Variants in DGLUCY observed in about 807,000 individuals in gnomAD.
DGLUCY encodes the protein D-glutamate cyclase, mitochondrial.
In DGLUCY, 58 loss-of-function variants were observed where a neutral mutation model predicts 58.5. The observed-to-expected ratio is 0.99, with a 90% CI of 0.80 to 1.23. The LOEUF is 1.23. DGLUCY is among the 50% of genes most tolerant of loss of function. DGLUCY has a pLI of 0.00. For synonymous variants in DGLUCY, 325 were observed against 314.1 expected, an observed-to-expected ratio of 1.03 and a Z score of -0.37; for missense variants, 779 against 784.7, an observed-to-expected ratio of 0.99 and a Z score of 0.09.
chr14:91,173,575 C>T (rs1210485352), intron 6 of DGLUCY, 136 bp downstream of exon 6: 1 of 1,222,144 alleles, frequency 8.2e-7, no homozygotes, highest in East Asian at 2.7e-5. Flanking sequence ...GCCCATGATC[C>T]TGACAGCCTC....
intron 11 of DGLUCY, among the ~76,000 whole-genome samples, chr14:91,201,190 C>T (rs2050531460): frequency 6.6e-6 from 1 of 152,140 alleles, no homozygotes; most frequent in East Asian, 1.9e-4. Context: ...AAGGCAGGAA[C>T]TGGCATTTTC....
intron 3 of DGLUCY, among the ~76,000 whole-genome samples, chr14:91,161,268 C>T (rs1337014644): frequency 6.6e-6 from 1 of 152,212 alleles, no homozygotes; most frequent in Admixed American, 6.5e-5. Context: ...GACGGGGTTT[C>T]ACCGTGTTAG....
intron 1 of DGLUCY, among the ~76,000 whole-genome samples, chr14:91,099,118 G>A (rs1034332017): frequency 6.6e-6 from 1 of 152,212 alleles, no homozygotes; most frequent in Non-Finnish European, 1.5e-5. Flanking sequence ...GATGCAGGAG[G>A]TAGCTTTAGA....
chr14:91,144,794 G>A (rs975431278), intron 1 of DGLUCY, among the ~76,000 whole-genome samples: 1 of 152,126 alleles, frequency 6.6e-6, no homozygotes, highest in Non-Finnish European at 1.5e-5. Context: ...GAAATAAAAA[G>A]GCAGGAAGGC....
At chr14:91,068,110 CACACA>C (rs1566928278) in intron 1 of DGLUCY, among the ~76,000 whole-genome samples, 15 of 146,124 alleles carry the variant, frequency 1.0e-4, no homozygotes, top group African/African-American at 4.2e-4. Context: ...CACACACACA[CACACA>C]CCCCTTGCAT....
At chr14:91,081,233 AAG>A (rs2044122354) in intron 1 of DGLUCY, among the ~76,000 whole-genome samples, 2 of 152,070 alleles carry the variant, frequency 1.3e-5, no homozygotes, top group African/African-American at 4.8e-5. Flanking sequence ...AGCATGTATT[AAG>A]AGAATAATAA....
chr14:91,127,495 C>A (rs1849614482), intron 1 of DGLUCY, among the ~76,000 whole-genome samples: 1 of 152,274 alleles, frequency 6.6e-6, no homozygotes, highest in African/African-American at 2.4e-5. Flanking sequence ...CTTCAGACTG[C>A]AGCCTTCTGG....
At chr14:91,113,094 G>A (rs904226491), upstream of DGLUCY, among the ~76,000 whole-genome samples, 11 of 151,362 alleles carry the variant, frequency 7.3e-5, no homozygotes, top group South Asian at 1.9e-3. Context: ...AAGGGCAGGC[G>A]CTCGAGACCA....
At chr14:91,137,136 T>C (rs1287475533) in intron 1 of DGLUCY, among the ~76,000 whole-genome samples, 1 of 131,310 alleles carries the variant, frequency 7.6e-6, no homozygotes, top group Non-Finnish European at 1.6e-5. Flanking sequence ...TCTGTTCAGG[T>C]TTTTTTTTTT....
At chr14:91,126,200 C>T (rs534936447) in intron 1 of DGLUCY, among the ~76,000 whole-genome samples, 1 of 152,266 alleles carries the variant, frequency 6.6e-6, no homozygotes, top group Admixed American at 6.5e-5. Flanking sequence ...TCTCACAGCT[C>T]TGGGGGGTAG....
At chr14:91,082,629 C>T (rs2044145838) in intron 1 of DGLUCY, among the ~76,000 whole-genome samples, 1 of 152,142 alleles carries the variant, frequency 6.6e-6, no homozygotes, top group Non-Finnish European at 1.5e-5. Flanking sequence ...CAAGCCTCTT[C>T]CTTTCAGTGT....
chr14:91,077,378 G>A (rs1281866437), intron 1 of DGLUCY, among the ~76,000 whole-genome samples: 2 of 148,944 alleles, frequency 1.3e-5, no homozygotes, highest in Admixed American at 1.3e-4. Flanking sequence ...AGGAAGGAAG[G>A]AAAGGAAGGA....
At chr14:91,061,164 G>A (rs2043667002) in intron 1 of DGLUCY, among the ~76,000 whole-genome samples, 1 of 152,270 alleles carries the variant, frequency 6.6e-6, no homozygotes, top group East Asian at 1.9e-4. Context: ...AAACCTAAGG[G>A]TCCCGGCAGC....
At chr14:91,079,775 G>A (rs1032725465) in intron 1 of DGLUCY, among the ~76,000 whole-genome samples, 2 of 152,104 alleles carry the variant, frequency 1.3e-5, no homozygotes, top group African/African-American at 4.8e-5. Context: ...AGAAAAAAAG[G>A]TTTGAATGCT....
At chr14:91,197,869 A>G (rs2050313202) in intron 10 of DGLUCY, among the ~76,000 whole-genome samples, 1 of 152,008 alleles carries the variant, frequency 6.6e-6, no homozygotes, top group South Asian at 2.1e-4. Flanking sequence ...TGGACAAATA[A>G]CTCCTTGAGT....
intron 1 of DGLUCY, among the ~76,000 whole-genome samples, chr14:91,133,488 C>G (rs2037509789): frequency 6.6e-6 from 1 of 152,100 alleles, no homozygotes; most frequent in Non-Finnish European, 1.5e-5. Context: ...GCTTCCCATT[C>G]TTTTGGGTAT....
chr14:91,191,004 C>T (rs184141406), intron 9 of DGLUCY, among the ~76,000 whole-genome samples: 112 of 152,202 alleles, frequency 7.4e-4, no homozygotes, highest in Middle Eastern at 3.4e-3. Context: ...GCTGCCACTG[C>T]GGTGGATGTT....
intron 1 of DGLUCY, chr14:91,114,525 T>C (rs1191672929): frequency 3.3e-5 from 5 of 152,184 alleles, no homozygotes; most frequent in Admixed American, 2.6e-4. Flanking sequence ...ACAGAACATA[T>C]CAGGTATTGG....
At chr14:91,221,599 CATGG>C (rs1392890300) in intron 13 of DGLUCY, among the ~76,000 whole-genome samples, 1 of 151,578 alleles carries the variant, frequency 6.6e-6, no homozygotes, top group Non-Finnish European at 1.5e-5. Context: ...TGGATGCATG[CATGG>C]ATGGATGGAT....
Sources: allele counts gnomAD v4.1 joint callset (sites outside exome capture counted in the v4.1 genomes callset), GRCh38; gene constraint gnomAD v4.1.1; transcripts MANE v1.5; gene names NCBI Gene and HGNC (gene_info 2026-07-23, HGNC 2026-07-21).